Variants in SUPT20H observed in about 807,000 individuals in gnomAD.
The protein encoded by SUPT20H is transcription factor SPT20 homolog.
In SUPT20H, 82 loss-of-function variants were observed where a neutral mutation model predicts 122.8. That is an observed-to-expected ratio of 0.67 (90% confidence interval 0.56 to 0.80). SUPT20H has a LOEUF of 0.80. Ranked by LOEUF, SUPT20H falls within the 30% of genes least tolerant of loss-of-function variation. The pLI, the probability that SUPT20H is intolerant of heterozygous loss-of-function variation, is 0.00. For synonymous variants in SUPT20H, 291 were observed against 313.0 expected, an observed-to-expected ratio of 0.93 and a Z score of 0.74; for missense variants, 831 against 921.6, an observed-to-expected ratio of 0.90 and a Z score of 1.27.
At chr13:37,051,432 A>T in intron 2 of SUPT20H, 56 bp downstream of exon 2, 1 of 1,535,888 alleles carries the variant, frequency 6.5e-7, no homozygotes, top group Admixed American at 1.7e-5. Flanking sequence ...CTTTATGAAG[A>T]TGAAGGAAGA....
chr13:37,053,597 G>A (rs149486183), intron 1 of SUPT20H, among the ~76,000 whole-genome samples: 5 of 151,828 alleles, frequency 3.3e-5, no homozygotes, highest in Admixed American at 6.6e-5. Context: ...CCTAGATGAC[G>A]GGTTGATAGG....
intron 1 of SUPT20H, among the ~76,000 whole-genome samples, chr13:37,055,239 A>C (rs2068674145): frequency 6.6e-6 from 1 of 152,130 alleles, no homozygotes; most frequent in Non-Finnish European, 1.5e-5. Flanking sequence ...GCTACCAATG[A>C]CTTTCTTCAC....
chr13:37,058,013 C>G (rs1325684294), intron 1 of SUPT20H, among the ~76,000 whole-genome samples: 1 of 147,976 alleles, frequency 6.8e-6, no homozygotes, highest in African/African-American at 2.5e-5. Flanking sequence ...GGCGGTGGCT[C>G]AGGCCTGTAA....
chr13:37,053,421 G>C (rs1397761658), intron 1 of SUPT20H, among the ~76,000 whole-genome samples: 2 of 151,532 alleles, frequency 1.3e-5, no homozygotes, highest in East Asian at 3.9e-4. Context: ...ACTAACACAG[G>C]AACAGAAAAC....
intron 18 of SUPT20H, 21 bp downstream of exon 18, chr13:37,024,319 A>G: frequency 6.4e-7 from 1 of 1,552,422 alleles, no homozygotes; most frequent in Middle Eastern, 1.7e-4. Context: ...CTAGACTGCA[A>G]AAAACTAAGA....
intron 9 of SUPT20H, chr13:37,038,064 A>C (rs1435977530): frequency 7.2e-6 from 1 of 138,618 alleles, no homozygotes; most frequent in Non-Finnish European, 1.6e-5. Flanking sequence ...AGAGTTCTTT[A>C]TTGGTACTAT....
At position 37,012,296 on chromosome 13, in the gene SUPT20H, C is replaced by A. The variant is rs755910880; in HGVS notation, c.1994G>T (p.Gly665Val). 1.2e-6 allele frequency: 2 copies of A among 1,608,018 alleles called. No homozygotes were observed. The highest frequency in any genetic ancestry group is 1.7e-6 in the Non-Finnish European group (2 of 1,176,710). ...TTGACTGGTTGAACCTTGCTCAGAA[C>A]CCTGAATAAAAAAATAATAAATGAC... Reference protein sequence around the residue: ...TCSPQQPGEQGSEQGSTSQEQ... With the variant: ...TCSPQQPGEQVSEQGSTSQEQ... The change falls in exon 24 of 26, where the codon GGT (glycine) becomes GTT (valine). Residue 665 changes from glycine (G) to valine (V), a missense_variant and splice_region_variant. Gly to Val is a moderately radical substitution (Grantham distance 109, BLOSUM62 -3). Coordinates refer to ENST00000350612, the MANE Select transcript of SUPT20H (RefSeq NM_001014286.3).
chr13:37,018,958 AT>A (rs773075897), intron 22 of SUPT20H, among the ~76,000 whole-genome samples: 160 of 152,224 alleles, frequency 1.1e-3, no homozygotes, highest in Non-Finnish European at 1.7e-3. Context: ...CCACATACCT[AT>A]TTTTTAAATC....
At chr13:37,051,621 A>T in intron 1 of SUPT20H, 38 bp from the exon 2 acceptor site, 1 of 568,058 alleles carries the variant, frequency 1.8e-6, no homozygotes, top group Non-Finnish European at 2.9e-6. Flanking sequence ...ATATTAACAT[A>T]AGGCTATTAA....
Position 37,027,693 on chromosome 13 carries a change from A to C in SUPT20H, c.1151+455T>G, listed in dbSNP as rs548911504. Among the ~76,000 whole-genome samples the C allele has an allele frequency of 2.0e-5, 3 of 152,316 alleles. No individual in the cohort carries two copies. The East Asian group carries it at 5.8e-4, about 29-fold the overall frequency. ...TGTAGTTCATACATTTTGGAAGATC[A>C]TCTATATTTTTATGTATTAATATGT... On this transcript the variant is annotated intron_variant, in intron 14 of 25. Coordinates refer to ENST00000350612, the MANE Select transcript of SUPT20H (RefSeq NM_001014286.3).
At position 37,033,521 on chromosome 13, in the gene SUPT20H, G is replaced by A. The variant is rs150611455; in HGVS notation, c.635C>T (p.Ser212Phe). Residue 212 changes from serine (S) to phenylalanine (F), a missense_variant, in exon 10 of 26, where the codon TCT becomes TTT. Physicochemically the swap from Ser to Phe is radical, Grantham distance 155 (BLOSUM62 -2). Coordinates refer to ENST00000350612, the MANE Select transcript of SUPT20H (RefSeq NM_001014286.3). ...GTTTGCAGTGCAGGTGACTGCTATA[G>A]AAGGATCAAGACAGAGTGGTTCAGC... ...ATAEPLCLDPSIAVTCTANRL... is the reference protein window; with the variant it reads ...ATAEPLCLDPFIAVTCTANRL... 2.9e-4 allele frequency: 462 copies of A among 1,613,754 alleles called. 3 individuals are homozygous for A. The East Asian group carries it at 7.6e-3, about 27-fold the overall frequency.
At chr13:37,055,830 A>T (rs1247770041) in intron 1 of SUPT20H, among the ~76,000 whole-genome samples, 6 of 152,202 alleles carry the variant, frequency 3.9e-5, no homozygotes, top group Non-Finnish European at 8.8e-5. Context: ...GTGAACAGGC[A>T]ACCTACAGAA....
rs2066455278 is a variant in SUPT20H, at chr13:37,046,476, G to C, written c.165+1059C>G. ...TACGCTTGTGGGCCAAATAGTTTGTGCTGCAATACTCAATGTGTCTTTGTA... is the reference window on the plus strand; with the variant it reads ...TACGCTTGTGGGCCAAATAGTTTGTCCTGCAATACTCAATGTGTCTTTGTA... On this transcript the variant is annotated intron_variant, in intron 5 of 25. Transcript: ENST00000350612. 2.6e-5 allele frequency among the ~76,000 whole-genome samples: 4 copies of C among 152,270 alleles called. No homozygotes were observed. The South Asian group carries it at 8.3e-4, about 32-fold the overall frequency.
Position 37,010,649 on chromosome 13 carries a change from GAC to G in SUPT20H, c.2103_2104del (p.Leu701PhefsTer11). ...TCTGTTCTCGGCAGAGCCAAGCTGA[GAC>G]AACACTACAGAGAGGAGAAGGGGAA... On this transcript the variant is annotated frameshift_variant, in exon 25 of 26. Transcript: ENST00000350612. LOFTEE classifies it high-confidence loss of function. The G allele has an allele frequency of 6.2e-7, 1 of 1,613,444 alleles. No individual in the cohort carries two copies. The highest frequency in any genetic ancestry group is 8.5e-7 in the Non-Finnish European group (1 of 1,179,682).
At position 37,031,895 on chromosome 13, in the gene SUPT20H, C is replaced by A; in HGVS notation, c.708G>T (p.Arg236=). 1 of 1,571,354 alleles carries A rather than the reference C, an allele frequency of 6.4e-7. No homozygotes were observed. Among genetic ancestry groups the A allele is most frequent in the Non-Finnish European group, 8.6e-7 (1 of 1,167,314 alleles). The change falls in exon 11 of 26, where the codon CGG becomes CGT. Residue 236 remains arginine, a splice_region_variant and synonymous_variant. Transcript: ENST00000350612. The part of the protein sequence containing the change: ...KQKMNTRPMK[R]CFKRYSRSSL... ...AGGATCTGGAATACCTCTTGAAACA[C>A]CTGAAATATTAAGAAATTTGAACTA...
At chr13:37,021,903 C>T (rs1403221300) in intron 20 of SUPT20H, 108 bp downstream of exon 20, 4 of 1,304,182 alleles carry the variant, frequency 3.1e-6, no homozygotes, top group Admixed American at 2.5e-5. Flanking sequence ...TATTCCTTTT[C>T]AGTCTGAGTA....
chr13:37,038,718 G>A (rs2064948547), intron 9 of SUPT20H: 1 of 152,196 alleles, frequency 6.6e-6, no homozygotes, highest in African/African-American at 2.4e-5. Flanking sequence ...TATGAAAAAT[G>A]AGTATTAAGA....
chr13:37,010,495 G>T (rs1359632952), intron 25 of SUPT20H, 57 bp downstream of exon 25: 1 of 1,444,810 alleles, frequency 6.9e-7, no homozygotes, highest in African/African-American at 1.4e-5. Context: ...TTATTTTGAG[G>T]TACTTTTGGA....
rs757892977 is a variant in SUPT20H at position 37,026,848 on chromosome 13, T to A, written c.1152-32A>T. On this transcript the variant is annotated intron_variant, in intron 14 of 25. Coordinates refer to ENST00000350612, the MANE Select transcript of SUPT20H (RefSeq NM_001014286.3). ...TATAAAATGTAAAAAAAAGCTTAGT[T>A]AATGCAGCTCAAACTTTAACTTCAT... is the stretch of plus-strand genomic sequence containing the variant. 6 of 1,387,850 alleles carry A rather than the reference T, an allele frequency of 4.3e-6. No homozygotes were observed. The South Asian group carries it at 9.4e-5, about 22-fold the overall frequency. 86.0% of individuals were successfully genotyped at this position (1,387,850 alleles called of 1,614,324 possible).
Sources: allele counts gnomAD v4.1 joint callset (sites outside exome capture counted in the v4.1 genomes callset), GRCh38; gene constraint gnomAD v4.1.1; transcripts MANE v1.5; gene names NCBI Gene and HGNC (gene_info 2026-07-23, HGNC 2026-07-21).